Variants in CDH4 observed in about 807,000 individuals in gnomAD.
CDH4 encodes cadherin-4.
Under a neutral mutation model 86.0 loss-of-function variants are expected in CDH4, and 33 were observed. That is an observed-to-expected ratio of 0.38 (90% confidence interval 0.29 to 0.51). The LOEUF (loss-of-function observed/expected upper bound fraction) is 0.51. Ranked by LOEUF, CDH4 falls within the 20% of genes least tolerant of loss-of-function variation. CDH4 has a pLI of 0.86. For synonymous variants in CDH4, 555 were observed against 549.4 expected, an observed-to-expected ratio of 1.01 and a Z score of -0.14; for missense variants, 1,114 against 1,307.4, an observed-to-expected ratio of 0.85 and a Z score of 2.28.
chr20:61,527,794 C>CGGGTGG (rs1028983011), intron 2 of CDH4, among the ~76,000 whole-genome samples: 3 of 152,018 alleles, frequency 2.0e-5, no homozygotes, highest in African/African-American at 7.3e-5. Flanking sequence ...AGAGGCATCT[C>CGGGTGG]GGGTGGTGTC....
chr20:61,901,002 C>T (rs1210195329), intron 8 of CDH4, among the ~76,000 whole-genome samples: 1 of 152,166 alleles, frequency 6.6e-6, no homozygotes, highest in Non-Finnish European at 1.5e-5. Flanking sequence ...TGTCCTTCAC[C>T]CTGGCACAGA....
rs144771380 is a variant in CDH4, at chr20:61,658,965, G to A, written c.170-84598G>A. 3.7e-3 allele frequency among the ~76,000 whole-genome samples: 561 copies of A among 152,300 alleles called. 3 individuals are homozygous for A. Among genetic ancestry groups the A allele is most frequent in the African/African-American group, 0.011 (437 of 41,560 alleles). On this transcript the variant is annotated intron_variant, in intron 2 of 15. Transcript: ENST00000614565. ...TACATCTGTGGCCCCCGGAGCAGCG[G>A]CTCACCCTCAAGGCGTTTCTAACAG...
At chr20:61,270,470 A>T (rs2084177836) in intron 2 of CDH4, among the ~76,000 whole-genome samples, 1 of 152,262 alleles carries the variant, frequency 6.6e-6, no homozygotes, top group African/African-American at 2.4e-5. Flanking sequence ...TGTGATCAAG[A>T]GTCCGTAAAA....
chr20:61,822,572 G>A (rs1048524964), intron 4 of CDH4, among the ~76,000 whole-genome samples: 5 of 152,314 alleles, frequency 3.3e-5, no homozygotes, highest in Admixed American at 1.3e-4. Flanking sequence ...GGCAGGGAGG[G>A]GAGGGTGCCA....
At chr20:61,476,285 G>A (rs965984943) in intron 2 of CDH4, among the ~76,000 whole-genome samples, 2 of 152,164 alleles carry the variant, frequency 1.3e-5, no homozygotes, top group African/African-American at 2.4e-5. Flanking sequence ...GGAGGCATGC[G>A]CCCTGGTTCC....
chr20:61,538,212 C>T (rs2086012396), intron 2 of CDH4, among the ~76,000 whole-genome samples: 1 of 152,176 alleles, frequency 6.6e-6, no homozygotes, highest in African/African-American at 2.4e-5. Flanking sequence ...ATGGGCTTTC[C>T]TTTGAACCTC....
chr20:61,702,018 G>A (rs77288567), intron 2 of CDH4, among the ~76,000 whole-genome samples: 6,853 of 152,204 alleles, frequency 0.045, 484 homozygotes, highest in African/African-American at 0.15. Flanking sequence ...TAGACCTCAC[G>A]GAGGTCTTGA....
At chr20:61,524,385 C>T (rs1310564987) in intron 2 of CDH4, among the ~76,000 whole-genome samples, 2 of 152,164 alleles carry the variant, frequency 1.3e-5, no homozygotes, top group African/African-American at 4.8e-5. Context: ...TTCCCGCATT[C>T]AACCGTGGGC....
chr20:61,550,693 C>T (rs556138821), intron 2 of CDH4, among the ~76,000 whole-genome samples: 170 of 152,348 alleles, frequency 1.1e-3, no homozygotes, highest in African/African-American at 3.5e-3. Context: ...CAACCTGCAC[C>T]GGAGCCCTCC....
At chr20:61,314,010 C>T (rs1458960142) in intron 2 of CDH4, among the ~76,000 whole-genome samples, 1 of 152,234 alleles carries the variant, frequency 6.6e-6, no homozygotes, top group Non-Finnish European at 1.5e-5. Flanking sequence ...GCTGGGATTA[C>T]AGGCGTGAGC....
intron 2 of CDH4, among the ~76,000 whole-genome samples, chr20:61,376,628 G>A (rs1423745233): frequency 6.6e-6 from 1 of 152,170 alleles, no homozygotes; most frequent in African/African-American, 2.4e-5. Flanking sequence ...GGGCCATGAT[G>A]CATCTTACTG....
At chr20:61,519,700 T>G (rs914026080) in intron 2 of CDH4, among the ~76,000 whole-genome samples, 1 of 152,212 alleles carries the variant, frequency 6.6e-6, no homozygotes. Flanking sequence ...TGTCTATTCT[T>G]TCGTTGTTCC....
intron 2 of CDH4, chr20:61,739,081 C>G (rs1305035784): frequency 2.0e-5 from 3 of 152,288 alleles, no homozygotes; most frequent in Non-Finnish European, 4.4e-5. Context: ...TGTTAATTCT[C>G]TCCTGAAGAC....
chr20:61,378,064 A>C (rs2084881756), intron 2 of CDH4, among the ~76,000 whole-genome samples: 1 of 152,134 alleles, frequency 6.6e-6, no homozygotes, highest in Non-Finnish European at 1.5e-5. Flanking sequence ...ACCAGCCTAG[A>C]CAACATGGCA....
At chr20:61,771,331 A>T (rs1381485780) in intron 3 of CDH4, among the ~76,000 whole-genome samples, 2 of 151,696 alleles carry the variant, frequency 1.3e-5, no homozygotes, top group South Asian at 2.1e-4. Context: ...CCTTTAAAAA[A>T]ATGCAGTTGA....
rs141951220 is a variant in CDH4 at position 61,663,087 on chromosome 20, G to A, written c.170-80476G>A. On this transcript the variant is annotated intron_variant, in intron 2 of 15. Coordinates refer to ENST00000614565, the MANE Select transcript of CDH4 (RefSeq NM_001794.5). The surrounding 1 kb of genome is among the most constrained non-coding windows in gnomAD (Gnocchi z 5.0). ...GGTATTGATGACAATGCTGCCCAGC[G>A]CAGGCAGTGTCGACATGAAGCAAAC... 6.6e-6 allele frequency among the ~76,000 whole-genome samples: 1 copy of A among 152,286 alleles called. No individual in the cohort carries two copies. The highest frequency in any genetic ancestry group is 1.5e-5 in the Non-Finnish European group (1 of 68,010).
At chr20:61,554,428 G>C (rs145832853) in intron 2 of CDH4, among the ~76,000 whole-genome samples, 1 of 152,242 alleles carries the variant, frequency 6.6e-6, no homozygotes, top group Non-Finnish European at 1.5e-5. Flanking sequence ...CAGGACCCAA[G>C]AGTCCAAGCC....
rs776656610 is a variant in CDH4 at position 61,933,039 on chromosome 20, C to T, written c.2294C>T (p.Thr765Met). The T allele has an allele frequency of 1.5e-5, 25 of 1,613,212 alleles. No individual in the cohort carries two copies. Among genetic ancestry groups the T allele is most frequent in the Admixed American group, 8.3e-5 (5 of 60,006 alleles). ...AAGCGGCGAGAGAAGGAGCGCCACA[C>T]GAAGCAGCTGCTCATTGACCCCGAG... The part of the protein sequence containing the change: ...WMKRREKERH[T>M]KQLLIDPEDD... Residue 765 changes from threonine (T) to methionine (M), a missense_variant, in exon 14 of 16, where the codon ACG becomes ATG. Thr to Met is a moderately conservative substitution (Grantham distance 81, BLOSUM62 -1). Coordinates refer to ENST00000614565, the MANE Select transcript of CDH4 (RefSeq NM_001794.5).
In CDH4 at chr20:61,517,162, T is replaced by C. The variant is rs1164576181; in HGVS notation, c.170-226401T>C. Among the ~76,000 whole-genome samples the C allele has an allele frequency of 6.6e-6, 1 of 152,196 alleles. No homozygotes were observed. On this transcript the variant is annotated intron_variant, in intron 2 of 15. Coordinates refer to ENST00000614565, the MANE Select transcript of CDH4 (RefSeq NM_001794.5). This position sits in a 1 kb window ranked among gnomAD's most constrained non-coding sequence, Gnocchi z 6.6. ...GATTCCTGTATTCCAACTTTCTAGA[T>C]GTTGCCTGACTTTGAACTTCGGGTA...
Sources: allele counts gnomAD v4.1 joint callset (sites outside exome capture counted in the v4.1 genomes callset), GRCh38; gene constraint gnomAD v4.1.1; non-coding constraint Gnocchi (gnomAD v3.1); transcripts MANE v1.5; gene names NCBI Gene and HGNC (gene_info 2026-07-23, HGNC 2026-07-21).